MCTP2: variants seen among roughly 807,000 people sequenced by gnomAD.
MCTP2 encodes the protein multiple C2 and transmembrane domain-containing protein 2.
In MCTP2, 132 loss-of-function variants were observed where a neutral mutation model predicts 111.6. That is an observed-to-expected ratio of 1.18 (90% CI 1.03 to 1.37). MCTP2 has a LOEUF of 1.37. Among genes scored for constraint, MCTP2 ranks in the 40% most tolerant of loss-of-function variants. MCTP2 has a pLI of 0.00. For synonymous variants in MCTP2, 395 were observed against 387.7 expected (o/e 1.02, Z -0.22); for missense variants, 1,183 against 1,067.9 (o/e 1.11, Z -1.50).
chr15:94,393,473 A>G (rs1257887655), intron 14 of MCTP2, among the ~76,000 whole-genome samples: 1 of 152,246 alleles, frequency 6.6e-6, no homozygotes, highest in Non-Finnish European at 1.5e-5. Context: ...AACAATTTCA[A>G]GATAAGTTAA....
At chr15:94,393,690 A>G (rs2081117000) in intron 14 of MCTP2, among the ~76,000 whole-genome samples, 1 of 152,226 alleles carries the variant, frequency 6.6e-6, no homozygotes. Context: ...TAATATCACT[A>G]GTACAGTATA....
chr15:94,420,909 A>T (rs1226430235), intron 17 of MCTP2, among the ~76,000 whole-genome samples: 4 of 152,184 alleles, frequency 2.6e-5, no homozygotes, highest in African/African-American at 9.6e-5. Flanking sequence ...TGCTACAGAG[A>T]AATCTTTTAT....
intron 4 of MCTP2, among the ~76,000 whole-genome samples, chr15:94,338,316 C>T (rs2077463888): frequency 6.6e-6 from 1 of 152,200 alleles, no homozygotes; most frequent in South Asian, 2.1e-4. Flanking sequence ...TTCTTTGTAG[C>T]GTTATCAGCT....
At chr15:94,449,185 ATAAAT>A (rs758449181) in intron 19 of MCTP2, among the ~76,000 whole-genome samples, 42 of 152,252 alleles carry the variant, frequency 2.8e-4, no homozygotes, top group Non-Finnish European at 5.1e-4. Flanking sequence ...AACAAGAATA[ATAAAT>A]TAAAACAAGG....
chr15:94,249,765 A>T (rs937242843), intron 1 of MCTP2, among the ~76,000 whole-genome samples: 1 of 152,066 alleles, frequency 6.6e-6, no homozygotes, highest in African/African-American at 2.4e-5. Context: ...GATTACAGGC[A>T]TGAGCCACCG....
At chr15:94,473,816 C>G (rs1461091082) in intron 21 of MCTP2, among the ~76,000 whole-genome samples, 2 of 152,308 alleles carry the variant, frequency 1.3e-5, no homozygotes, top group Non-Finnish European at 2.9e-5. Context: ...CAGTGTATTA[C>G]AGTTGGAGCT....
At chr15:94,238,077 A>T (rs2070693759) in intron 1 of MCTP2, among the ~76,000 whole-genome samples, 1 of 152,050 alleles carries the variant, frequency 6.6e-6, no homozygotes, top group African/African-American at 2.4e-5. Flanking sequence ...ATCAAGCTGC[A>T]CCCTGACCAC....
At chr15:94,245,250 A>T (rs1472577902) in intron 1 of MCTP2, among the ~76,000 whole-genome samples, 1 of 141,268 alleles carries the variant, frequency 7.1e-6, no homozygotes, top group Non-Finnish European at 1.6e-5. Context: ...ATATACACAT[A>T]TGTATATATA....
chr15:94,434,226 C>T (rs527572487), intron 17 of MCTP2, among the ~76,000 whole-genome samples: 2 of 152,036 alleles, frequency 1.3e-5, no homozygotes, highest in Non-Finnish European at 2.9e-5. Flanking sequence ...CTCAGCCTCC[C>T]AAGTAGCTGA....
At chr15:94,365,374 A>AT (rs1294211533) in intron 10 of MCTP2, among the ~76,000 whole-genome samples, 3 of 152,134 alleles carry the variant, frequency 2.0e-5, no homozygotes, top group Admixed American at 6.6e-5. Context: ...GAAGGGACTG[A>AT]TTTTTTTGTA....
At position 94,440,303 on chromosome 15, in the gene MCTP2, G is replaced by A; in HGVS notation, c.2208+5G>A. On this transcript the variant is annotated splice_donor_5th_base_variant and intron_variant, in intron 18 of 22. Coordinates refer to ENST00000357742, the MANE Select transcript of MCTP2 (RefSeq NM_001385001.1). ...AGCAGCATCCAGGACAGCCAGGTAA[G>A]CAAGGATTCGGAGTTCTGACATTTG... 2 of 1,613,548 alleles carry A rather than the reference G, an allele frequency of 1.2e-6. No homozygotes were observed. The highest frequency in any genetic ancestry group is 8.5e-7 in the Non-Finnish European group (1 of 1,179,788).
In MCTP2 at chr15:94,362,626, C is replaced by G. The variant is rs533204572; in HGVS notation, c.1301+4014C>G. On this transcript the variant is annotated intron_variant, in intron 10 of 22. Transcript: ENST00000357742. ...CACATTCACCATTTTCCTCCTGTTC[C>G]CTGGCTTCCTTAGCCTCTGAGATTT... 9.8e-5 allele frequency among the ~76,000 whole-genome samples: 15 copies of G among 152,330 alleles called. No individual in the cohort carries two copies. The South Asian group carries it at 2.9e-3, about 29-fold the overall frequency.
chr15:94,311,028 T>TA (rs918982799), intron 2 of MCTP2, among the ~76,000 whole-genome samples: 18 of 105,082 alleles, frequency 1.7e-4, no homozygotes, highest in African/African-American at 6.6e-4. Flanking sequence ...TTTTTTTTTT[T>TA]TTTTTTTTAT....
intron 4 of MCTP2, among the ~76,000 whole-genome samples, chr15:94,318,272 A>AATT (rs2076464080): frequency 7.0e-6 from 1 of 143,130 alleles, no homozygotes; most frequent in Non-Finnish European, 1.5e-5. Flanking sequence ...CAAAAAAAAA[A>AATT]TTTTTTTTTT....
chr15:94,233,510 T>C (rs1251624184), intron 1 of MCTP2, among the ~76,000 whole-genome samples: 2 of 152,160 alleles, frequency 1.3e-5, no homozygotes, highest in African/African-American at 4.8e-5. Context: ...TTGAAATCAA[T>C]TTCAGCTTGA....
chr15:94,260,673 T>G (rs2073128956), intron 1 of MCTP2, among the ~76,000 whole-genome samples: 1 of 152,148 alleles, frequency 6.6e-6, no homozygotes, highest in Non-Finnish European at 1.5e-5. Context: ...CAGAGTACAC[T>G]CTCAGATATC....
chr15:94,447,000 A>G (rs1274294948), intron 19 of MCTP2, among the ~76,000 whole-genome samples: 1 of 152,234 alleles, frequency 6.6e-6, no homozygotes, highest in Non-Finnish European at 1.5e-5. Context: ...ACAAATGGGT[A>G]TTGTATCTAT....
rs67774490 is a variant in MCTP2, at chr15:94,361,084, GTTT to G, written c.1301+2503_1301+2505del. Among the ~76,000 whole-genome samples, 75 of 8,402 alleles carry G rather than the reference GTTT, an allele frequency of 8.9e-3. 2 individuals are homozygous for G. The highest frequency in any genetic ancestry group is 0.015 in the African/African-American group (48 of 3,214). The allele number at this position is 8,402 out of a possible 152,430, so 5.5% of individuals were successfully genotyped here. A position where few individuals can be genotyped will look rare whatever the true frequency, so the allele number is the denominator to read the frequency against. The stretch of plus-strand genomic sequence containing the variant: ...CCTGGCTATTGTTTAAATATTTCAA[GTTT>G]TTTTTTTTTTTTTTTTTTTTTTTTT... On this transcript the variant is annotated intron_variant, in intron 10 of 22. Transcript: ENST00000357742.
chr15:94,476,610 A>AGATG (rs1327159796), intron 21 of MCTP2, 86 bp from the exon 22 acceptor site: 1 of 363,658 alleles, frequency 2.7e-6, no homozygotes, highest in Non-Finnish European at 4.6e-6. Flanking sequence ...ACTGACAGAT[A>AGATG]GATAGATAGA....
Sources: gnomAD v4.1 joint callset for allele counts (sites outside exome capture counted in the v4.1 genomes callset) on GRCh38, gnomAD v4.1.1 for gene constraint, MANE v1.5 for transcripts, NCBI Gene and HGNC (gene_info 2026-07-23, HGNC 2026-07-21) for gene names.